The following TMCC1 variants were observed in gnomAD, a reference collection of about 807,000 sequenced individuals.
The protein encoded by TMCC1 is transmembrane and coiled-coil domain family 1.
TMCC1 carries 15 observed loss-of-function variants against 52.4 expected under a neutral mutation model. The ratio of observed to expected loss-of-function variants is 0.29; its 90% confidence interval spans 0.19 to 0.44. The LOEUF is 0.44. Ranked by LOEUF, TMCC1 falls within the 20% of genes least tolerant of loss-of-function variation. TMCC1 has a pLI of 1.00. For synonymous variants in TMCC1, 279 were observed against 301.9 expected (o/e 0.92, Z 0.79); for missense variants, 503 against 806.0 (o/e 0.62, Z 4.55).
intron 4 of TMCC1, among the ~76,000 whole-genome samples, chr3:129,740,143 T>G (rs1180240275): frequency 6.6e-6 from 1 of 152,252 alleles, no homozygotes; most frequent in Non-Finnish European, 1.5e-5. Context: ...TGCACGTGTT[T>G]CAGACTGCCT....
In TMCC1 at chr3:129,827,848, A is replaced by T. The variant is rs769539108; in HGVS notation, c.531T>A (p.Ala177=). 3 of 1,613,916 alleles carry T rather than the reference A, an allele frequency of 1.9e-6. No individual in the cohort carries two copies. The African/African-American group carries it at 4.0e-5, about 22-fold the overall frequency. Reference sequence around the variant, plus strand: ...CTCCTGGTAGACATGCAGCAGCAGCAGCAGCAGCAGCACAAGCTATTTCCA... The same window carrying T: ...CTCCTGGTAGACATGCAGCAGCAGCTGCAGCAGCAGCACAAGCTATTTCCA... ...AMMEIACAAA[A]AAAACLPGEE... is the part of the protein sequence containing the mutation. Residue 177 remains alanine (A), a synonymous_variant, in exon 4 of 7, where the codon GCT becomes GCA. Transcript: ENST00000393238.
chr3:129,675,515 T>A (rs1238411357), intron 4 of TMCC1, among the ~76,000 whole-genome samples: 1 of 152,216 alleles, frequency 6.6e-6, no homozygotes, highest in Non-Finnish European at 1.5e-5. Context: ...GTTAGCACTG[T>A]TTTTGTACCA....
chr3:129,815,267 T>C (rs1368686064), intron 4 of TMCC1, among the ~76,000 whole-genome samples: 4 of 152,098 alleles, frequency 2.6e-5, no homozygotes, highest in Admixed American at 1.3e-4. Flanking sequence ...TAAATTTATA[T>C]GGAACCACAG....
rs1433810654 is a variant in TMCC1 at position 129,746,983 on chromosome 3, A to G, written c.577-75719T>C. Reference sequence around the variant, plus strand: ...CACAACAGGATAATAATTACTTTGTATCATTGTTGGGAGAATAAATCATTG... The same window carrying G: ...CACAACAGGATAATAATTACTTTGTGTCATTGTTGGGAGAATAAATCATTG... On this transcript the variant is annotated intron_variant, in intron 4 of 6. Transcript: ENST00000393238. Among the ~76,000 whole-genome samples the G allele has an allele frequency of 6.6e-5, 10 of 152,216 alleles. 1 individual carries two copies. The highest frequency in any genetic ancestry group is 5.9e-4 in the Admixed American group (9 of 15,270).
chr3:129,655,926 A>G (rs1445018303), intron 5 of TMCC1, among the ~76,000 whole-genome samples: 1 of 152,240 alleles, frequency 6.6e-6, no homozygotes, highest in Non-Finnish European at 1.5e-5. Context: ...TAGGTGGAAA[A>G]ATGAATGTGA....
chr3:129,659,395 A>G (rs1267683752), intron 5 of TMCC1, among the ~76,000 whole-genome samples: 2 of 151,694 alleles, frequency 1.3e-5, no homozygotes, highest in African/African-American at 2.4e-5. Context: ...ACACCTGGCT[A>G]TTTTCATCTT....
intron 4 of TMCC1, among the ~76,000 whole-genome samples, chr3:129,733,027 A>C (rs1300101306): frequency 6.6e-6 from 1 of 152,094 alleles, no homozygotes; most frequent in African/African-American, 2.4e-5. Flanking sequence ...GATAAATTAA[A>C]CCCTGGTTCA....
intron 4 of TMCC1, among the ~76,000 whole-genome samples, chr3:129,820,600 G>A (rs889958913): frequency 3.4e-5 from 5 of 145,700 alleles, no homozygotes; most frequent in East Asian, 4.7e-4. Flanking sequence ...CCAGACAACC[G>A]TTTAGGGAGA....
rs2049237952 is a variant in TMCC1, at chr3:129,717,968, G to A, written c.577-46704C>T. Among the ~76,000 whole-genome samples the A allele has an allele frequency of 2.0e-5, 3 of 152,010 alleles. No homozygotes were observed. In the South Asian group the frequency reaches 6.2e-4, roughly 31 times the overall value. ...CATAGTTGACCCTTGAACAACAAAG[G>A]TCTGAACTACATGGATCCACTTATA... On this transcript the variant is annotated intron_variant, in intron 4 of 6. Coordinates refer to ENST00000393238, the MANE Select transcript of TMCC1 (RefSeq NM_001017395.5).
Position 129,771,070 on chromosome 3 carries a change from C to T in TMCC1, c.576+56733G>A, listed in dbSNP as rs1201949251. The stretch of plus-strand genomic sequence containing the variant: ...ATCCCTGAATCCCTGACAGCTATCC[C>T]TCTAATACTTCCTTATTTCTAATGG... On this transcript the variant is annotated intron_variant, in intron 4 of 6. Coordinates refer to ENST00000393238, the MANE Select transcript of TMCC1 (RefSeq NM_001017395.5). 8.5e-5 allele frequency among the ~76,000 whole-genome samples: 13 copies of T among 152,290 alleles called. No homozygotes were observed. In the East Asian group the frequency reaches 2.5e-3, roughly 29 times the overall value.
intron 4 of TMCC1, among the ~76,000 whole-genome samples, chr3:129,739,317 A>G (rs982997662): frequency 1.3e-5 from 2 of 151,980 alleles, no homozygotes; most frequent in Admixed American, 6.6e-5. Flanking sequence ...ACAGGCATGC[A>G]CCAACACACC....
intron 2 of TMCC1, among the ~76,000 whole-genome samples, chr3:129,840,762 A>G (rs752846807): frequency 3.9e-5 from 6 of 152,172 alleles, no homozygotes; most frequent in African/African-American, 1.4e-4. Context: ...TTCTGCGATG[A>G]TTTTAAGTTT....
intron 5 of TMCC1, among the ~76,000 whole-genome samples, chr3:129,669,436 AT>A (rs746722233): frequency 1.7e-3 from 238 of 144,192 alleles, no homozygotes; most frequent in Middle Eastern, 3.6e-3. Flanking sequence ...TTAGAAAAAA[AT>A]TTTTTTTTTT....
intron 1 of TMCC1, among the ~76,000 whole-genome samples, chr3:129,883,837 G>A (rs1192542274): frequency 9.5e-5 from 14 of 146,628 alleles, no homozygotes; most frequent in African/African-American, 2.7e-5. Context: ...GAAACCTCGC[G>A]TCTATTTTAT....
At chr3:129,810,414 C>A (rs528445756) in intron 4 of TMCC1, among the ~76,000 whole-genome samples, 1 of 152,166 alleles carries the variant, frequency 6.6e-6, no homozygotes, top group South Asian at 2.1e-4. Context: ...TACGCAGAAC[C>A]AAAACAGGTA....
chr3:129,733,232 AT>A (rs1468967884), intron 4 of TMCC1, among the ~76,000 whole-genome samples: 1 of 152,234 alleles, frequency 6.6e-6, no homozygotes, highest in Admixed American at 6.5e-5. Context: ...ACAGAAATAG[AT>A]AACTGGAGTA....
chr3:129,863,654 G>A (rs1210352306), intron 2 of TMCC1, among the ~76,000 whole-genome samples: 1 of 152,140 alleles, frequency 6.6e-6, no homozygotes, highest in African/African-American at 2.4e-5. Flanking sequence ...CTGAGGTCAG[G>A]AGTTCAAGAC....
rs1003251035 is a variant in TMCC1 at position 129,664,238 on chromosome 3, A to G, written c.1511+6092T>C. On this transcript the variant is annotated intron_variant, in intron 5 of 6. Transcript: ENST00000393238. ...CTACATATCGTCTGGAGATTCTCAG[A>G]TCACTTTTCAGTTGACAGGTCTCAC... 2.0e-5 allele frequency among the ~76,000 whole-genome samples: 3 copies of G among 152,334 alleles called. No homozygotes were observed. In the South Asian group the frequency reaches 6.2e-4, roughly 32 times the overall value.
At chr3:129,841,732 C>A in intron 2 of TMCC1, among the ~76,000 whole-genome samples, 1 of 152,114 alleles carries the variant, frequency 6.6e-6, no homozygotes, top group Non-Finnish European at 1.5e-5. Flanking sequence ...AAAAGAAAAA[C>A]CCATTTTCTG....
Sources: gnomAD v4.1 joint callset for allele counts (sites outside exome capture counted in the v4.1 genomes callset) on GRCh38, gnomAD v4.1.1 for gene constraint, MANE v1.5 for transcripts, NCBI Gene and HGNC (gene_info 2026-07-23, HGNC 2026-07-21) for gene names.